The following WDR37 variants were observed in gnomAD, a reference collection of about 807,000 sequenced individuals.
The protein encoded by WDR37 is WD repeat-containing protein 37.
WDR37 carries 19 observed loss-of-function variants against 62.9 expected under a neutral mutation model. That is an observed-to-expected ratio of 0.30 (90% confidence interval 0.21 to 0.44). WDR37 has a LOEUF of 0.44. WDR37 is among the 20% of genes least tolerant of loss of function. WDR37 has a pLI of 1.00. For missense variants in WDR37, 474 were observed against 657.6 expected, an observed-to-expected ratio of 0.72 and a Z score of 3.05; for synonymous variants, 250 against 260.9, an observed-to-expected ratio of 0.96 and a Z score of 0.40.
intron 13 of WDR37, among the ~76,000 whole-genome samples, chr10:1,125,971 CCAGGGGGCCTGGGGG>C (rs1835732219): frequency 6.6e-6 from 1 of 152,142 alleles, no homozygotes; most frequent in African/African-American, 2.4e-5. Context: ...ATGCAGAGGC[CCAGGGGGCCTGGGGG>C]CCCGTGTTCA....
rs1833983393 is a variant in WDR37, at chr10:1,080,046, G to A, written c.271G>A (p.Ala91Thr). 4 of 1,614,068 alleles carry A rather than the reference G, an allele frequency of 2.5e-6. No homozygotes were observed. In the East Asian group the frequency reaches 8.9e-5, roughly 36 times the overall value. ...REIDTLNERL[A>T]AEGQAIDGAE... ...AATCGACACTCTTAATGAACGTTTA[G>A]CTGCTGAAGGACAAGCGATTGATGG... The change falls in exon 4 of 14, where the codon GCT (alanine) becomes ACT (threonine). Residue 91 changes from alanine (A) to threonine (T), a missense_variant. Transcript: ENST00000263150.
Position 1,103,061 on chromosome 10 carries a change from C to G in WDR37, c.727-541C>G, listed in dbSNP as rs563820369. 1.1e-4 allele frequency among the ~76,000 whole-genome samples: 17 copies of G among 152,306 alleles called. No homozygotes were observed. Among genetic ancestry groups the G allele is most frequent in the Non-Finnish European group, 5.9e-5 (4 of 68,030 alleles). ...TTTGTTGGATGAATATACAGATTTTCTTACAGAGCTGGCTGTAATGTGTTT... is the reference window on the plus strand; with the variant it reads ...TTTGTTGGATGAATATACAGATTTTGTTACAGAGCTGGCTGTAATGTGTTT... On this transcript the variant is annotated intron_variant, in intron 9 of 13. Transcript: ENST00000263150. This position sits in a 1 kb window ranked among gnomAD's most constrained non-coding sequence, Gnocchi z 6.3.
intron 1 of WDR37, among the ~76,000 whole-genome samples, chr10:1,068,219 C>T (rs187189331): frequency 1.3e-3 from 191 of 152,168 alleles, no homozygotes; most frequent in Non-Finnish European, 2.2e-3. Flanking sequence ...CGGTGGCTGA[C>T]GCCTGTAATC....
rs762478971 is a variant in WDR37 at position 1,084,473 on chromosome 10, G to A, written c.467G>A (p.Arg156Gln). 1 of 1,614,140 alleles carries A rather than the reference G, an allele frequency of 6.2e-7. No individual in the cohort carries two copies. The part of the protein sequence containing the change: ...CQLVKEYIGH[R>Q]DGIWDVSVAK... ...CTCGTGAAGGAGTACATCGGCCACC[G>A]GGACGGCATCTGGGATGTCAGCGTG... Residue 156 changes from arginine (R) to glutamine (Q), a missense_variant, in exon 6 of 14, where the codon CGG (arginine) becomes CAG (glutamine). Coordinates refer to ENST00000263150, the MANE Select transcript of WDR37 (RefSeq NM_014023.4).
intron 9 of WDR37, among the ~76,000 whole-genome samples, chr10:1,100,906 G>C (rs992674321): frequency 2.0e-5 from 3 of 152,116 alleles, no homozygotes; most frequent in Non-Finnish European, 2.9e-5. Flanking sequence ...TGAGCCTCGG[G>C]CCCCCCGTCC....
chr10:1,115,505 A>G (rs572548366), intron 11 of WDR37, among the ~76,000 whole-genome samples: 2 of 152,304 alleles, frequency 1.3e-5, no homozygotes, highest in East Asian at 1.9e-4. Flanking sequence ...AGCTTGTGTC[A>G]TGGTGTTAAC....
chr10:1,060,531 T>C (rs1389382392), intron 1 of WDR37, among the ~76,000 whole-genome samples: 1 of 152,166 alleles, frequency 6.6e-6, no homozygotes, highest in Non-Finnish European at 1.5e-5. Context: ...TCCAATAATA[T>C]TGGGTAAATG....
intron 1 of WDR37, among the ~76,000 whole-genome samples, chr10:1,070,586 A>G (rs939946542): frequency 3.3e-5 from 5 of 152,222 alleles, no homozygotes; most frequent in Non-Finnish European, 5.9e-5. Context: ...GTGAATTTTT[A>G]TAAGTGACAA....
intron 11 of WDR37, among the ~76,000 whole-genome samples, chr10:1,120,173 G>A (rs1835532463): frequency 6.6e-6 from 1 of 152,228 alleles, no homozygotes; most frequent in African/African-American, 2.4e-5. Context: ...CAAAAGGCGT[G>A]GGTGATGAGA....
intron 1 of WDR37, among the ~76,000 whole-genome samples, chr10:1,057,752 TTTAAC>T (rs2131597357): frequency 6.6e-6 from 1 of 152,364 alleles, no homozygotes; most frequent in East Asian, 1.9e-4. Flanking sequence ...GATTTTGTCA[TTTAAC>T]TTAAACGCTA....
intron 11 of WDR37, among the ~76,000 whole-genome samples, chr10:1,110,473 C>T (rs1302448118): frequency 6.6e-6 from 1 of 152,248 alleles, no homozygotes; most frequent in East Asian, 1.9e-4. Context: ...ATAAAACCTA[C>T]AGAGTGCGTG....
At position 1,082,224 on chromosome 10, in the gene WDR37, C is replaced by T. The variant is rs1206390511; in HGVS notation, c.396+1748C>T. Among the ~76,000 whole-genome samples, 8 of 152,198 alleles carry T rather than the reference C, an allele frequency of 5.3e-5. No homozygotes were observed. In the East Asian group the frequency reaches 1.5e-3, roughly 29 times the overall value. ...CATGAATGCAACAAGAGAAAGGCTA[C>T]AGTCTAGCTTTATTACTTTCCCTCC... On this transcript the variant is annotated intron_variant, in intron 5 of 13. Transcript: ENST00000263150.
chr10:1,078,780 G>T (rs1053267374), intron 3 of WDR37, among the ~76,000 whole-genome samples: 1 of 152,210 alleles, frequency 6.6e-6, no homozygotes, highest in Non-Finnish European at 1.5e-5. Context: ...CTCCCAAAGT[G>T]CTGGGATTAT....
chr10:1,124,122 ACCT>A, intron 11 of WDR37, 93 bp from the exon 12 acceptor site: 1 of 1,554,578 alleles, frequency 6.4e-7, no homozygotes, highest in Non-Finnish European at 8.8e-7. Context: ...CGCTTCTCCG[ACCT>A]CCTTCCCACC....
chr10:1,066,366 T>TGCC (rs1239040698), intron 1 of WDR37, among the ~76,000 whole-genome samples: 2,733 of 152,324 alleles, frequency 0.018, 81 homozygotes, highest in African/African-American at 0.063. Flanking sequence ...TCCGTCCACC[T>TGCC]TGACCTCCCA....
chr10:1,066,588 T>C (rs759241597), intron 1 of WDR37, among the ~76,000 whole-genome samples: 29 of 152,182 alleles, frequency 1.9e-4, no homozygotes, highest in African/African-American at 6.8e-4. Context: ...TTTGTAGATA[T>C]GTAAAAGATT....
At chr10:1,086,749 G>A (rs925989516) in intron 7 of WDR37, among the ~76,000 whole-genome samples, 4 of 152,178 alleles carry the variant, frequency 2.6e-5, no homozygotes, top group African/African-American at 2.4e-5. Flanking sequence ...ATGTGCTTGC[G>A]TGCCCGTAGT....
chr10:1,115,842 G>A (rs1237588500), intron 11 of WDR37, among the ~76,000 whole-genome samples: 1 of 152,216 alleles, frequency 6.6e-6, no homozygotes, highest in Admixed American at 6.5e-5. Context: ...GCAGGGCCCT[G>A]TGGAAGGGCC....
chr10:1,063,223 G>T (rs982117129), intron 1 of WDR37, among the ~76,000 whole-genome samples: 8 of 152,150 alleles, frequency 5.3e-5, no homozygotes, highest in Non-Finnish European at 2.9e-5. Flanking sequence ...TGCTGGATAA[G>T]CTAGCAGCGC....
Sources: allele counts gnomAD v4.1 joint callset (sites outside exome capture counted in the v4.1 genomes callset), GRCh38; gene constraint gnomAD v4.1.1; non-coding constraint Gnocchi (gnomAD v3.1); transcripts MANE v1.5; gene names NCBI Gene and HGNC (gene_info 2026-07-23, HGNC 2026-07-21).